FAM78B: variants seen among roughly 807,000 people sequenced by gnomAD.
FAM78B encodes protein FAM78B.
FAM78B carries 10 observed loss-of-function variants against 20.0 expected under a neutral mutation model. The ratio of observed to expected loss-of-function variants is 0.50; its 90% CI spans 0.31 to 0.85. FAM78B has a LOEUF of 0.85. FAM78B is among the 40% of genes least tolerant of loss of function. The probability of loss-of-function intolerance (pLI) is 0.05; values close to 1 mark genes in which losing one functional copy is unlikely to be tolerated. For synonymous variants in FAM78B, 135 were observed against 132.8 expected (o/e 1.02, Z -0.12); for missense variants, 283 against 345.0 (o/e 0.82, Z 1.42).
chr1:166,115,802 G>A (rs1359761639), intron 1 of FAM78B, among the ~76,000 whole-genome samples: 1 of 152,170 alleles, frequency 6.6e-6, no homozygotes, highest in African/African-American at 2.4e-5. Context: ...CTATGTTCTG[G>A]AGCCACTTTT....
intron 2 of FAM78B, among the ~76,000 whole-genome samples, chr1:166,061,867 C>T (rs12129285): frequency 0.22 from 33,170 of 152,140 alleles, 3,961 homozygotes; most frequent in Non-Finnish European, 0.27. Flanking sequence ...TGCACGTGTG[C>T]AGAGGCCTTG....
intron 1 of FAM78B, among the ~76,000 whole-genome samples, chr1:166,108,584 C>T (rs1653877159): frequency 6.6e-6 from 1 of 152,054 alleles, no homozygotes; most frequent in Admixed American, 6.6e-5. Flanking sequence ...GACCATACTG[C>T]CAAAAGCAAT....
intron 1 of FAM78B, among the ~76,000 whole-genome samples, chr1:166,097,075 G>A (rs894098861): frequency 4.6e-5 from 7 of 152,194 alleles, no homozygotes; most frequent in African/African-American, 1.7e-4. Flanking sequence ...AAAGGGAGAC[G>A]CTCCTCTCTT....
chr1:166,142,142 G>A (rs1264832260), intron 1 of FAM78B, among the ~76,000 whole-genome samples: 3 of 152,166 alleles, frequency 2.0e-5, no homozygotes, highest in African/African-American at 4.8e-5. Flanking sequence ...GCTGCCTTGT[G>A]GAGAGCTATA....
At chr1:166,127,633 G>A (rs938876325) in intron 1 of FAM78B, among the ~76,000 whole-genome samples, 3 of 152,222 alleles carry the variant, frequency 2.0e-5, no homozygotes, top group African/African-American at 7.2e-5. Context: ...AATTGAATTT[G>A]TTGCTACCAA....
At chr1:166,125,787 T>C (rs183071343) in intron 1 of FAM78B, among the ~76,000 whole-genome samples, 1 of 152,286 alleles carries the variant, frequency 6.6e-6, no homozygotes, top group African/African-American at 2.4e-5. Context: ...ATTGCAACAT[T>C]ATATTGCATT....
intron 1 of FAM78B, among the ~76,000 whole-genome samples, chr1:166,136,831 G>A (rs1655083327): frequency 6.6e-6 from 1 of 152,236 alleles, no homozygotes. Flanking sequence ...TGAGAGGGAA[G>A]AGGGTCTAGA....
At chr1:166,058,536 T>C (rs1487924426) in exon 3 of FAM78B, 1 of 147,034 alleles carries the variant, frequency 6.8e-6, no homozygotes, top group Admixed American at 6.8e-5. Flanking sequence ...TGTGTGTGTG[T>C]AGTGTGTCTA....
exon 3 of FAM78B, chr1:166,060,325 G>C (rs1651536102): frequency 3.1e-6 from 1 of 319,754 alleles, no homozygotes; most frequent in South Asian, 2.5e-5. Flanking sequence ...TTCACTTTGA[G>C]GGTTGGGGAA....
intron 1 of FAM78B, among the ~76,000 whole-genome samples, chr1:166,135,379 C>T (rs565997069): frequency 4.6e-5 from 7 of 152,358 alleles, no homozygotes; most frequent in African/African-American, 1.4e-4. Flanking sequence ...GGTTAACCAA[C>T]TCCAGCATCT....
chr1:166,100,339 G>A (rs1653459579), intron 1 of FAM78B, among the ~76,000 whole-genome samples: 2 of 152,236 alleles, frequency 1.3e-5, no homozygotes, highest in South Asian at 4.1e-4. Flanking sequence ...TTGTCAGACA[G>A]TGGGTGCAGG....
chr1:166,115,389 G>C (rs1654216570), intron 1 of FAM78B, among the ~76,000 whole-genome samples: 1 of 152,218 alleles, frequency 6.6e-6, no homozygotes, highest in Non-Finnish European at 1.5e-5. Flanking sequence ...AGGCAGAGGG[G>C]ACAAGCAAGG....
chr1:166,095,878 G>T (rs1029459348), intron 1 of FAM78B, among the ~76,000 whole-genome samples: 3 of 152,150 alleles, frequency 2.0e-5, no homozygotes, highest in African/African-American at 7.2e-5. Context: ...TGGCTCCCAG[G>T]ATCAGTGAAA....
intron 1 of FAM78B, among the ~76,000 whole-genome samples, chr1:166,109,526 T>G (rs1653915664): frequency 6.6e-6 from 1 of 151,834 alleles, no homozygotes; most frequent in African/African-American, 2.4e-5. Flanking sequence ...GTGGTGTGGA[T>G]GCGGTGAACA....
chr1:166,101,559 G>A (rs1237537154), intron 1 of FAM78B, among the ~76,000 whole-genome samples: 10 of 152,202 alleles, frequency 6.6e-5, no homozygotes, highest in African/African-American at 1.7e-4. Flanking sequence ...ACTATGTGAC[G>A]AATGCGCAAG....
chr1:166,129,014 C>T (rs1469513258), intron 1 of FAM78B, among the ~76,000 whole-genome samples: 1 of 152,138 alleles, frequency 6.6e-6, no homozygotes, highest in African/African-American at 2.4e-5. Flanking sequence ...GGGTCACCTG[C>T]TGGGGGGCCA....
At chr1:166,065,696 G>A (rs548812678), downstream of FAM78B, among the ~76,000 whole-genome samples, 7 of 152,210 alleles carry the variant, frequency 4.6e-5, no homozygotes, top group South Asian at 1.2e-3. Context: ...TCTTCTGATG[G>A]CCTTCCATAG....
intron 1 of FAM78B, among the ~76,000 whole-genome samples, chr1:166,084,716 T>A (rs932958881): frequency 6.6e-6 from 1 of 152,184 alleles, no homozygotes; most frequent in Admixed American, 6.5e-5. Context: ...ATGAGTCTCC[T>A]GTGACACCTG....
intron 1 of FAM78B, among the ~76,000 whole-genome samples, chr1:166,099,282 A>G (rs1385887691): frequency 2.6e-5 from 4 of 152,244 alleles, no homozygotes; most frequent in Non-Finnish European, 5.9e-5. Flanking sequence ...AAAGACATCA[A>G]AACAGAACCT....
Sources: gnomAD v4.1 joint callset for allele counts (sites outside exome capture counted in the v4.1 genomes callset) on GRCh38, gnomAD v4.1.1 for gene constraint, MANE v1.5 for transcripts, NCBI Gene and HGNC (gene_info 2026-07-23, HGNC 2026-07-21) for gene names.